The following B3GALT5 variants were observed in gnomAD, a reference collection of about 807,000 sequenced individuals.
B3GALT5 encodes the protein beta-1,3-galactosyltransferase 5, also known as UDP-Gal:betaGlcNAc beta 1,3-galactosyltransferase, polypeptide 5.
For missense variants in B3GALT5, 328 were observed against 396.6 expected (o/e 0.83, Z 1.47); for synonymous variants, 156 against 158.6 (o/e 0.98, Z 0.12).
At position 39,672,221 on chromosome 21, in the gene B3GALT5, G is replaced by A. The variant is rs1041709139; in HGVS notation, c.*10729G>A. ...CCAGCGTGAGGTCTGTTGGCTCAGG[G>A]GTCCAGTCCCTGGGTCCCCGAAGAG... is the stretch of plus-strand genomic sequence containing the variant. On this transcript the variant is annotated 3_prime_UTR_variant, in exon 4 of 4. Transcript: ENST00000684187. 2 of 152,194 alleles carry A rather than the reference G, an allele frequency of 1.3e-5. No homozygotes were observed. The highest frequency in any genetic ancestry group is 6.5e-5 in the Admixed American group (1 of 15,278). 9.4% of individuals were successfully genotyped at this position (152,194 alleles called of 1,614,324 possible).
At chr21:39,614,362 A>C (rs2079096527) in intron 1 of B3GALT5, among the ~76,000 whole-genome samples, 1 of 152,170 alleles carries the variant, frequency 6.6e-6, no homozygotes, top group African/African-American at 2.4e-5. Flanking sequence ...AATAATAAAA[A>C]TCTGACGTGT....
intron 1 of B3GALT5, among the ~76,000 whole-genome samples, chr21:39,620,760 A>G (rs1458661586): frequency 2.6e-5 from 4 of 152,208 alleles, no homozygotes; most frequent in Admixed American, 2.6e-4. Context: ...AGCCTGAATT[A>G]GCAATTGATT....
Position 39,646,418 on chromosome 21 carries a change from A to T in B3GALT5, c.-365A>T, listed in dbSNP as rs1569215448. ...TTCATCTGGAAGAGAGGCCATTGAAACCAAGCATTTGTGTTCAAGTAAGAA... is the reference window on the plus strand; with the variant it reads ...TTCATCTGGAAGAGAGGCCATTGAATCCAAGCATTTGTGTTCAAGTAAGAA... On this transcript the variant is annotated 5_prime_UTR_variant, in exon 2 of 4. Coordinates refer to ENST00000684187, the MANE Select transcript of B3GALT5 (RefSeq NM_001356336.2). 5 of 152,328 alleles carry T rather than the reference A, an allele frequency of 3.3e-5. No homozygotes were observed. In the South Asian group the frequency reaches 1.0e-3, roughly 32 times the overall value. 9.4% of individuals were successfully genotyped at this position (152,328 alleles called of 1,614,324 possible).
At chr21:39,651,123 G>A (rs1258006397) in intron 2 of B3GALT5, among the ~76,000 whole-genome samples, 2 of 152,130 alleles carry the variant, frequency 1.3e-5, no homozygotes, top group African/African-American at 2.4e-5. Flanking sequence ...ATTCACCCTT[G>A]GTGGAAGAAG....
chr21:39,626,259 CT>C (rs773277148), intron 1 of B3GALT5, among the ~76,000 whole-genome samples: 1 of 152,130 alleles, frequency 6.6e-6, no homozygotes, highest in Non-Finnish European at 1.5e-5. Context: ...ACAGAATTTC[CT>C]TGCTTTTTAG....
chr21:39,654,036 T>G (rs1262651635), intron 2 of B3GALT5, among the ~76,000 whole-genome samples: 1 of 152,266 alleles, frequency 6.6e-6, no homozygotes, highest in East Asian at 1.9e-4. Context: ...GTGAACATTC[T>G]TGATCATGTC....
At chr21:39,628,105 A>G (rs1602260470) in intron 1 of B3GALT5, among the ~76,000 whole-genome samples, 1 of 152,256 alleles carries the variant, frequency 6.6e-6, no homozygotes, top group Non-Finnish European at 1.5e-5. Flanking sequence ...GTGTGCAATA[A>G]CAGATTATTT....
At chr21:39,646,190 G>A (rs1230884053) in intron 1 of B3GALT5, among the ~76,000 whole-genome samples, 1 of 152,022 alleles carries the variant, frequency 6.6e-6, no homozygotes, top group Non-Finnish European at 1.5e-5. Flanking sequence ...CCGGACTACT[G>A]CTTCTCAACA....
chr21:39,668,880 A>C lies in B3GALT5; in HGVS notation c.*7388A>C, dbSNP rs2079601926. ...CCTCATGGGATGATCATGTGGGTTA[A>C]ATGAGAGGATGAGTATAAACTGCTC... is the stretch of plus-strand genomic sequence containing the variant. On this transcript the variant is annotated 3_prime_UTR_variant, in exon 4 of 4. Transcript: ENST00000684187. 6.6e-6 allele frequency: 1 copy of C among 152,216 alleles called. No individual in the cohort carries two copies. Among genetic ancestry groups the C allele is most frequent in the African/African-American group, 2.4e-5 (1 of 41,446 alleles). The allele number at this position is 152,216 out of a possible 1,614,324, so 9.4% of individuals were successfully genotyped here.
Position 39,672,387 on chromosome 21 carries a change from A to G in B3GALT5, c.*10895A>G, listed in dbSNP as rs1273471011. 1 of 152,258 alleles carries G rather than the reference A, an allele frequency of 6.6e-6. No individual in the cohort carries two copies. Among genetic ancestry groups the G allele is most frequent in the African/African-American group, 2.4e-5 (1 of 41,474 alleles). The allele number at this position is 152,258 out of a possible 1,614,324, so 9.4% of individuals were successfully genotyped here. ...GGAAATTACTTAATGCAACCAGAGG[A>G]GACTTCGCAGTCAAATTTTGCTTTT... On this transcript the variant is annotated 3_prime_UTR_variant, in exon 4 of 4. Transcript: ENST00000684187.
At chr21:39,615,587 A>G (rs2079103368) in intron 1 of B3GALT5, among the ~76,000 whole-genome samples, 1 of 152,226 alleles carries the variant, frequency 6.6e-6, no homozygotes, top group South Asian at 2.1e-4. Flanking sequence ...ATTCTTGCAG[A>G]GATAAATAGC....
At chr21:39,657,978 T>A in intron 2 of B3GALT5, 1 of 1,170,884 alleles carries the variant, frequency 8.5e-7, no homozygotes, top group Non-Finnish European at 1.1e-6. Flanking sequence ...GGCTTCTGCT[T>A]TGCAGCTGGC....
chr21:39,614,987 C>T (rs961004217), intron 1 of B3GALT5, among the ~76,000 whole-genome samples: 6 of 152,312 alleles, frequency 3.9e-5, no homozygotes, highest in South Asian at 4.1e-4. Context: ...ACCTGACAGA[C>T]GTCTGTCTCC....
intron 2 of B3GALT5, among the ~76,000 whole-genome samples, chr21:39,659,279 A>G (rs986608552): frequency 1.3e-5 from 2 of 151,452 alleles, no homozygotes; most frequent in African/African-American, 4.9e-5. Flanking sequence ...GCCCAAACCA[A>G]CTCTGCTTTT....
At position 39,641,567 on chromosome 21, in the gene B3GALT5, C is replaced by G. The variant is rs2079290556; in HGVS notation, c.-391-4825C>G. Among the ~76,000 whole-genome samples, 3 of 152,258 alleles carry G rather than the reference C, an allele frequency of 2.0e-5. No homozygotes were observed. The South Asian group carries it at 6.2e-4, about 32-fold the overall frequency. On this transcript the variant is annotated intron_variant, in intron 1 of 3. Transcript: ENST00000684187. ...TTCATGGTAAATAATTAACTATTTT[C>G]TGGAATAGCTCATTCCACCTTTAGA...
At chr21:39,639,347 T>TTTCTTTTTTTCCTTCCTTCCTTCC (rs762994044) in intron 1 of B3GALT5, among the ~76,000 whole-genome samples, 29 of 66,782 alleles carry the variant, frequency 4.3e-4, no homozygotes, top group South Asian at 1.1e-3. Flanking sequence ...TCTTTCTTTC[T>TTTCTTTTTTTCCTTCCTTCCTTCC]TTCCTTCCTT....
At chr21:39,649,979 C>G (rs1047991587) in intron 2 of B3GALT5, among the ~76,000 whole-genome samples, 2 of 152,162 alleles carry the variant, frequency 1.3e-5, no homozygotes, top group Admixed American at 1.3e-4. Flanking sequence ...CACGCACCAC[C>G]CTGCTGTGTC....
At chr21:39,639,414 T>TTC (rs1176770540) in intron 1 of B3GALT5, among the ~76,000 whole-genome samples, 29 of 103,116 alleles carry the variant, frequency 2.8e-4, no homozygotes, top group East Asian at 2.7e-3. Flanking sequence ...CTTTCTTTCT[T>TTC]TCTTTCTTTC....
chr21:39,631,910 T>A (rs1439810675), intron 1 of B3GALT5, among the ~76,000 whole-genome samples: 3 of 152,086 alleles, frequency 2.0e-5, no homozygotes, highest in African/African-American at 7.2e-5. Flanking sequence ...ATGAAAGCAT[T>A]AAGAGGAGCT....
Sources: gnomAD v4.1 joint callset for allele counts (sites outside exome capture counted in the v4.1 genomes callset) on GRCh38, gnomAD v4.1.1 for gene constraint, MANE v1.5 for transcripts, NCBI Gene and HGNC (gene_info 2026-07-23, HGNC 2026-07-21) for gene names.